The following TTN variants were observed in gnomAD, a reference collection of about 807,000 sequenced individuals.
The protein encoded by TTN is connectin.
Under a neutral mutation model 3,223.0 loss-of-function variants are expected in TTN, and 1,525 were observed. That is an observed-to-expected ratio of 0.47 (90% confidence interval 0.45 to 0.49). The LOEUF (loss-of-function observed/expected upper bound fraction) is 0.49, where lower values mean the gene tolerates loss of function less well. Ranked by LOEUF, TTN falls within the 20% of genes least tolerant of loss-of-function variation. The pLI, the probability that TTN is intolerant of heterozygous loss-of-function variation, is 0.00. For synonymous variants in TTN, 14,094 were observed against 15,161.0 expected (o/e 0.93, Z 5.17); for missense variants, 40,786 against 43,424.0 (o/e 0.94, Z 5.40).
rs1481919740 is a variant in TTN at position 178,575,015 on chromosome 2, A to G, written c.71117T>C (p.Leu23706Ser). The change falls in exon 326 of 363, where the codon TTA becomes TCA. Residue 23706 changes from leucine to serine, a missense_variant. Leu to Ser is a moderately radical substitution (Grantham distance 145). Coordinates refer to ENST00000589042, the MANE Select transcript of TTN (RefSeq NM_001267550.2). The surrounding 1 kb of genome is among the most constrained non-coding windows in gnomAD (Gnocchi z 4.0). ...CVRSDSGPYP[L>S]TARNIVGEVG... ...CTCTCCTACAATGTTCCTTGCTGTT[A>G]ATGGATAGGGCCCACTATCACTTCT... 1 of 1,613,426 alleles carries G rather than the reference A, an allele frequency of 6.2e-7. No individual in the cohort carries two copies. The highest frequency in any genetic ancestry group is 1.1e-5 in the South Asian group (1 of 91,068).
At position 178,592,519 on chromosome 2, in the gene TTN, G is replaced by C. The variant is rs754082474; in HGVS notation, c.59486C>G (p.Thr19829Ser). The change falls in exon 301 of 363, where the codon ACT becomes AGT. Residue 19829 changes from threonine to serine, a missense_variant. By Grantham distance (58) the Thr-to-Ser change is moderately conservative (BLOSUM62 1). Transcript: ENST00000589042. ...TWKKEDRDAP[T>S]KARIDVTPVG... The stretch of plus-strand genomic sequence containing the variant: ...TGGAGTCACATCAATTCTTGCTTTA[G>C]TTGGAGCATCTCTGTCTTCTTTTTT... The C allele has an allele frequency of 6.2e-7, 1 of 1,613,354 alleles. No individual in the cohort carries two copies.
In TTN at chr2:178,539,417, T is replaced by G. The variant is rs776099498; in HGVS notation, c.98648A>C (p.Lys32883Thr). 1 of 1,613,672 alleles carries G rather than the reference T, an allele frequency of 6.2e-7. No homozygotes were observed. The highest frequency in any genetic ancestry group is 8.5e-7 in the Non-Finnish European group (1 of 1,179,638). Residue 32883 changes from lysine to threonine, a missense_variant, in exon 352 of 363, where the codon AAA becomes ACA. Transcript: ENST00000589042. ...ENQFGISKPL[K>T]SEEPVTPKTP... ...TTTTGGTGTGACTGGTTCCTCAGAT[T>G]TCAAGGGTTTGCTTATGCCAAACTG...
rs72648260 is a variant in TTN, at chr2:178,545,557, G to A, written c.95553C>T (p.Ser31851=). Residue 31851 remains serine, a synonymous_variant, in exon 344 of 363, where the codon AGC becomes AGT. Coordinates refer to ENST00000589042, the MANE Select transcript of TTN (RefSeq NM_001267550.2). ...CTTTGTTGACACGTGTCCAGCGCAG[G>A]CTCTTCTTCTCACGTTTGTCTACTA... ...NYLVDKREKK[S]LRWTRVNKDY... The A allele has an allele frequency of 3.4e-3, 5,439 of 1,613,664 alleles. 176 individuals are homozygous for A. The African/African-American group carries it at 0.065, about 19-fold the overall frequency.
Position 178,584,979 on chromosome 2 carries a change from C to T in TTN, c.64673-11G>A. 2 of 1,610,232 alleles carry T rather than the reference C, an allele frequency of 1.2e-6. No individual in the cohort carries two copies. Among genetic ancestry groups the T allele is most frequent in the Non-Finnish European group, 8.5e-7 (1 of 1,178,828 alleles). On this transcript the variant is annotated splice_polypyrimidine_tract_variant and intron_variant, in intron 309 of 362. Transcript: ENST00000589042. ...GGGGGCCGGGGGCATCTACATGAACCAAGAGGAAAGAAATGTAAGAACAAG... is the reference window on the plus strand; with the variant it reads ...GGGGGCCGGGGGCATCTACATGAACTAAGAGGAAAGAAATGTAAGAACAAG...
Position 178,612,289 on chromosome 2 carries a change from T to G in TTN, c.50236A>C (p.Lys16746Gln). 2.5e-6 allele frequency: 4 copies of G among 1,612,230 alleles called. No individual in the cohort carries two copies. Among genetic ancestry groups the G allele is most frequent in the Non-Finnish European group, 3.4e-6 (4 of 1,179,068 alleles). The change falls in exon 266 of 363, where the codon AAA becomes CAA. Residue 16746 changes from lysine (K) to glutamine (Q), a missense_variant. Transcript: ENST00000589042. ...YTEIEDSVLA[K>Q]DTFTTPGPPY... The stretch of plus-strand genomic sequence containing the variant: ...TGCAAGAGCATACTAAAGGTGTCTT[T>G]GGCCAGCACAGAGTCCTCAATTTCG...
At position 178,550,056 on chromosome 2, in the gene TTN, A is replaced by G. The variant is rs374345957; in HGVS notation, c.91782T>C (p.Arg30594=). The change falls in exon 337 of 363, where the codon CGT becomes CGC. Residue 30594 remains arginine (R), a synonymous_variant. Coordinates refer to ENST00000589042, the MANE Select transcript of TTN (RefSeq NM_001267550.2). ...LFVRDATRDH[R]GVYTVEAKNA... ...TTTTGGCTTCCACTGTGTATACACC[A>G]CGATGGTCCCGAGTAGCATCTCTAA... 7.4e-6 allele frequency: 12 copies of G among 1,613,828 alleles called. No individual in the cohort carries two copies. In the African/African-American group the frequency reaches 1.1e-4, roughly 14 times the overall value.
Position 178,712,106 on chromosome 2 carries a change from C to A in TTN, c.27724G>T (p.Asp9242Tyr), listed in dbSNP as rs746470885. The A allele has an allele frequency of 5.1e-5, 82 of 1,613,630 alleles. No individual in the cohort carries two copies. Among genetic ancestry groups the A allele is most frequent in the Non-Finnish European group, 6.8e-5 (80 of 1,179,790 alleles). ...PEIGVSWYKG[D>Y]TKLRPTTTYK... ...GTCGTAGTGGGTCTCAATTTTGTAT[C>A]TCCTTTATACCAGGATACCCCAATT... The change falls in exon 96 of 363, where the codon GAT (aspartate) becomes TAT (tyrosine). Residue 9242 changes from aspartate to tyrosine, a missense_variant. Asp to Tyr is a radical substitution (Grantham distance 160, BLOSUM62 -3). Transcript: ENST00000589042.
chr2:178,784,228 C>T lies in TTN; in HGVS notation c.2617G>A (p.Ala873Thr), dbSNP rs765122830. ...AACTGTGGCAAGGGTGTGGGCTCTGCCCTTACTCTAGTCTCACTGGGCTTC... is the reference window on the plus strand; with the variant it reads ...AACTGTGGCAAGGGTGTGGGCTCTGTCCTTACTCTAGTCTCACTGGGCTTC... ...TVKPSETRVR[A>T]EPTPLPQFPF... is the part of the protein sequence containing the mutation. The change falls in exon 16 of 363, where the codon GCA becomes ACA. Residue 873 changes from alanine to threonine, a missense_variant. Transcript: ENST00000589042. 6.2e-7 allele frequency: 1 copy of T among 1,614,112 alleles called. No homozygotes were observed. The highest frequency in any genetic ancestry group is 2.2e-5 in the East Asian group (1 of 44,854).
intron 89 of TTN, 103 bp downstream of exon 89, chr2:178,715,390 C>T: frequency 6.6e-7 from 1 of 1,516,774 alleles, no homozygotes. Context: ...TTGTTGTGTC[C>T]TTTCCCTATT....
Position 178,609,213 on chromosome 2 carries a change from A to G in TTN, c.52097T>C (p.Val17366Ala). Residue 17366 changes from valine (V) to alanine (A), a missense_variant, in exon 273 of 363, where the codon GTG (valine) becomes GCG (alanine). By Grantham distance (64) the Val-to-Ala change is moderately conservative. Coordinates refer to ENST00000589042, the MANE Select transcript of TTN (RefSeq NM_001267550.2). ...GIAKAPCTVS[V>A]LDTPGPPINF... Reference sequence around the variant, plus strand: ...GTGTAGTTTTAATGACTCACCTAACACACTGACAGTACAAGGAGCTTTTGC... The same window carrying G: ...GTGTAGTTTTAATGACTCACCTAACGCACTGACAGTACAAGGAGCTTTTGC... 6.6e-7 allele frequency: 1 copy of G among 1,509,646 alleles called. No individual in the cohort carries two copies. The highest frequency in any genetic ancestry group is 8.8e-7 in the Non-Finnish European group (1 of 1,134,548). The allele number at this position is 1,509,646 out of a possible 1,614,324, so 93.5% of individuals were successfully genotyped here.
In TTN at chr2:178,773,937, T is replaced by C. The variant is rs1333177270; in HGVS notation, c.7231A>G (p.Met2411Val). The C allele has an allele frequency of 1.2e-6, 2 of 1,614,104 alleles. No individual in the cohort carries two copies. The highest frequency in any genetic ancestry group is 1.7e-6 in the Non-Finnish European group (2 of 1,179,986). The change falls in exon 31 of 363, where the codon ATG becomes GTG. Residue 2411 changes from methionine (M) to valine (V), a missense_variant. Transcript: ENST00000589042. The part of the protein sequence containing the change: ...VHIVIDKQSH[M>V]LLIEDMTKED... ...TTAGTCATGTCTTCAATGAGCAGCATATGAGATTGTTTGTCTATCACAATG... is the reference window on the plus strand; with the variant it reads ...TTAGTCATGTCTTCAATGAGCAGCACATGAGATTGTTTGTCTATCACAATG...
rs376882944 is a variant in TTN, at chr2:178,566,324, A to G, written c.79808T>C (p.Val26603Ala). 1.9e-6 allele frequency: 3 copies of G among 1,613,466 alleles called. No individual in the cohort carries two copies. The African/African-American group carries it at 4.0e-5, about 22-fold the overall frequency. The change falls in exon 326 of 363, where the codon GTT (valine) becomes GCT (alanine). Residue 26603 changes from valine (V) to alanine (A), a missense_variant. Physicochemically the swap from Val to Ala is moderately conservative, Grantham distance 64 (BLOSUM62 0). Coordinates refer to ENST00000589042, the MANE Select transcript of TTN (RefSeq NM_001267550.2). ...DLDSELRKGIVVRAGGSARIH... is the reference protein window; with the variant it reads ...DLDSELRKGIAVRAGGSARIH... The stretch of plus-strand genomic sequence containing the variant: ...TCTGGCAGATCCACCAGCTCTTACA[A>G]CAATTCCTTTTCTTAATTCGGAGTC...
intron 13 of TTN, among the ~76,000 whole-genome samples, chr2:178,787,877 C>T (rs1370178959): frequency 6.6e-6 from 1 of 152,040 alleles, no homozygotes; most frequent in African/African-American, 2.4e-5. Context: ...ATATCTCTCA[C>T]ATGTTTGTAA....
chr2:178,797,007 ATTTC>A (rs2093803834), intron 6 of TTN, among the ~76,000 whole-genome samples: 1 of 152,168 alleles, frequency 6.6e-6, no homozygotes, highest in African/African-American at 2.4e-5. Context: ...TTGGCATTTT[ATTTC>A]TTAATTATTG....
chr2:178,683,963 T>C, intron 133 of TTN, 36 bp downstream of exon 133: 5 of 1,485,402 alleles, frequency 3.4e-6, no homozygotes, highest in Non-Finnish European at 4.6e-6. Flanking sequence ...TGGATGCTTA[T>C]TTTGATTTTT....
At chr2:178,801,783 G>T (rs2094077700) in intron 3 of TTN, among the ~76,000 whole-genome samples, 1 of 152,162 alleles carries the variant, frequency 6.6e-6, no homozygotes, top group Non-Finnish European at 1.5e-5. Flanking sequence ...TGAATTCCTG[G>T]AGATTCACAC....
Position 178,712,178 on chromosome 2 carries a change from C to T in TTN, c.27652G>A (p.Val9218Ile). 1 of 1,613,760 alleles carries T rather than the reference C, an allele frequency of 6.2e-7. No individual in the cohort carries two copies. Residue 9218 changes from valine (V) to isoleucine (I), a missense_variant, in exon 96 of 363, where the codon GTT (valine) becomes ATT (isoleucine). Val to Ile is a conservative substitution (Grantham distance 29). Transcript: ENST00000589042. ...VKQLEPVKVS[V>I]GDSASLQCQL... ...CATTGTAGAGAGGCAGAATCTCCAA[C>T]AGACACCTTAACCGGCTCCAACTGC...
chr2:178,645,837 T>A, intron 217 of TTN, 83 bp downstream of exon 217: 1 of 842,232 alleles, frequency 1.2e-6, no homozygotes, highest in Non-Finnish European at 1.8e-6. Context: ...CTAAAAGTCA[T>A]ACATTTCTTG....
intron 249 of TTN, 25 bp downstream of exon 249, chr2:178,619,963 A>G: frequency 6.2e-7 from 1 of 1,601,082 alleles, no homozygotes; most frequent in Non-Finnish European, 8.5e-7. Context: ...GTAACATTAG[A>G]ATTGTTTTTT....
Sources: allele counts gnomAD v4.1 joint callset (sites outside exome capture counted in the v4.1 genomes callset), GRCh38; gene constraint gnomAD v4.1.1; non-coding constraint Gnocchi (gnomAD v3.1); transcripts MANE v1.5; gene names NCBI Gene and HGNC (gene_info 2026-07-23, HGNC 2026-07-21).